The following RBFOX1 variants were observed in gnomAD, a reference collection of about 807,000 sequenced individuals.
The protein encoded by RBFOX1 is RNA binding protein fox-1 homolog 1.
RBFOX1 carries 8 observed loss-of-function variants against 57.7 expected under a neutral mutation model. The ratio of observed to expected loss-of-function variants is 0.14; its 90% CI spans 0.08 to 0.25. The LOEUF is 0.25. Ranked by LOEUF, RBFOX1 falls within the 10% of genes least tolerant of loss-of-function variation. The pLI, the probability that RBFOX1 is intolerant of heterozygous loss-of-function variation, is 1.00. For missense variants in RBFOX1, 611 were observed against 548.5 expected (o/e 1.11, Z -1.14); for synonymous variants, 326 against 222.4 (o/e 1.47, Z -4.15).
intron 1 of RBFOX1, among the ~76,000 whole-genome samples, chr16:5,458,932 C>T (rs1023300039): frequency 2.6e-5 from 4 of 152,204 alleles, no homozygotes; most frequent in East Asian, 1.9e-4. Context: ...AAGCCAAGAG[C>T]ACCTGGCTTC....
chr16:6,412,835 G>T (rs572989414), intron 2 of RBFOX1, among the ~76,000 whole-genome samples: 1 of 152,294 alleles, frequency 6.6e-6, no homozygotes, highest in East Asian at 1.9e-4. Flanking sequence ...CAGTCTTTCT[G>T]CTGTTCCAGA....
chr16:5,601,311 C>G (rs769187362), downstream of RBFOX1: 1 of 152,304 alleles, frequency 6.6e-6, no homozygotes, highest in South Asian at 2.1e-4. Context: ...CAGCTATTGT[C>G]AGGAGGCCAC....
intron 2 of RBFOX1, among the ~76,000 whole-genome samples, chr16:6,504,131 A>G (rs1464264638): frequency 6.6e-6 from 1 of 152,180 alleles, no homozygotes; most frequent in Non-Finnish European, 1.5e-5. Context: ...GTCAGTAGTC[A>G]TATACCTCTA....
At chr16:5,938,618 G>T (rs2059216436) in intron 4 of RBFOX1, among the ~76,000 whole-genome samples, 1 of 152,102 alleles carries the variant, frequency 6.6e-6, no homozygotes, top group South Asian at 2.1e-4. Context: ...ACTTGATTTG[G>T]CTAATAGGAT....
chr16:6,417,170 C>T (rs940900471), intron 2 of RBFOX1, among the ~76,000 whole-genome samples: 21 of 152,050 alleles, frequency 1.4e-4, no homozygotes, highest in African/African-American at 4.8e-4. Flanking sequence ...CGCCACCATG[C>T]CCAGTAAACT....
chr16:6,858,913 G>C (rs148467502), intron 3 of RBFOX1, among the ~76,000 whole-genome samples: 6 of 151,686 alleles, frequency 4.0e-5, no homozygotes, highest in Admixed American at 2.0e-4. Flanking sequence ...TGGTCAGTAA[G>C]TTCTGCATTT....
At chr16:5,592,866 C>T (rs1024858780) in intron 2 of RBFOX1, among the ~76,000 whole-genome samples, 7 of 152,120 alleles carry the variant, frequency 4.6e-5, no homozygotes, top group African/African-American at 7.2e-5. Flanking sequence ...CTTTAGGGTT[C>T]CGTGGGCCCT....
chr16:6,291,381 G>C (rs2077451134), intron 1 of RBFOX1, among the ~76,000 whole-genome samples: 1 of 152,150 alleles, frequency 6.6e-6, no homozygotes, highest in Admixed American at 6.5e-5. Context: ...TAGATGATAT[G>C]AGATGGTGGA....
chr16:6,651,086 G>C (rs763357505), intron 2 of RBFOX1, among the ~76,000 whole-genome samples: 1 of 152,158 alleles, frequency 6.6e-6, no homozygotes, highest in African/African-American at 2.4e-5. Flanking sequence ...ATGTTTAGTG[G>C]AGATGGAGTT....
At chr16:7,569,433 T>G (rs1175814306) in intron 5 of RBFOX1, among the ~76,000 whole-genome samples, 3 of 151,962 alleles carry the variant, frequency 2.0e-5, no homozygotes, top group Admixed American at 2.0e-4. Flanking sequence ...GTGGGTTGAG[T>G]TTTTCTCACG....
intron 4 of RBFOX1, among the ~76,000 whole-genome samples, chr16:7,468,937 T>C (rs555356675): frequency 1.2e-4 from 18 of 151,736 alleles, no homozygotes; most frequent in African/African-American, 4.1e-4. Flanking sequence ...CAAGGCTGAG[T>C]AATTTTTTTT....
chr16:5,692,604 T>G (rs4786755), intron 3 of RBFOX1, among the ~76,000 whole-genome samples: 34,928 of 152,054 alleles, frequency 0.23, 5,531 homozygotes, highest in East Asian at 0.82. Flanking sequence ...GAAGATTTGT[T>G]ATGCAGCAAT....
At chr16:6,044,825 G>C (rs1355247416) in intron 1 of RBFOX1, among the ~76,000 whole-genome samples, 1 of 152,202 alleles carries the variant, frequency 6.6e-6, no homozygotes, top group Non-Finnish European at 1.5e-5. Flanking sequence ...ATTGTCTGCA[G>C]AGCTAGGGCT....
At chr16:7,097,401 A>G (rs769458284) in intron 4 of RBFOX1, among the ~76,000 whole-genome samples, 9 of 152,136 alleles carry the variant, frequency 5.9e-5, no homozygotes, top group Non-Finnish European at 1.2e-4. Context: ...CCCAGTATCA[A>G]AGATCCCCAT....
At chr16:7,032,796 A>T (rs893179699) in intron 3 of RBFOX1, among the ~76,000 whole-genome samples, 3 of 152,096 alleles carry the variant, frequency 2.0e-5, no homozygotes, top group Non-Finnish European at 4.4e-5. Context: ...CCTTGGGTCT[A>T]CCTGAACTAA....
At chr16:5,414,342 C>T (rs927600465) in intron 1 of RBFOX1, among the ~76,000 whole-genome samples, 4 of 152,144 alleles carry the variant, frequency 2.6e-5, no homozygotes, top group Admixed American at 6.5e-5. Flanking sequence ...GTTCCACTTC[C>T]GTCCTCCGAC....
At position 5,999,886 on chromosome 16, in the gene RBFOX1, AAAAAAAAAAAAAAAAAAAAAAGAG is replaced by A. The variant is rs1230506001; in HGVS notation, c.351+132552_351+132575del. On this transcript the variant is annotated intron_variant, in intron 4 of 19. Transcript: ENST00000641259. ...CCACCTCAAAAAAAAAAAAAAAAAA[AAAAAAAAAAAAAAAAAAAAAAGAG>A]TGAAGAAGGGAAATCAGACAAGGAA... 1.6e-3 allele frequency among the ~76,000 whole-genome samples: 123 copies of A among 76,318 alleles called. 12 individuals are homozygous for A. Among genetic ancestry groups the A allele is most frequent in the African/African-American group, 5.0e-3 (114 of 22,752 alleles). 50.1% of individuals were successfully genotyped at this position (76,318 alleles called of 152,430 possible). A position where few individuals can be genotyped will look rare whatever the true frequency, so the allele number is the denominator to read the frequency against.
chr16:7,550,080 A>C (rs2085866539), intron 5 of RBFOX1, among the ~76,000 whole-genome samples: 1 of 151,726 alleles, frequency 6.6e-6, no homozygotes, highest in Non-Finnish European at 1.5e-5. Context: ...CAGGCACACA[A>C]CACCATGCCT....
chr16:6,505,582 T>C (rs923917538), intron 2 of RBFOX1, among the ~76,000 whole-genome samples: 4 of 152,198 alleles, frequency 2.6e-5, no homozygotes, highest in Non-Finnish European at 5.9e-5. Flanking sequence ...TCCTGGCTTA[T>C]GTTTGGGTAT....
Sources: gnomAD v4.1 joint callset for allele counts (sites outside exome capture counted in the v4.1 genomes callset) on GRCh38, gnomAD v4.1.1 for gene constraint, MANE v1.5 for transcripts, NCBI Gene and HGNC (gene_info 2026-07-23, HGNC 2026-07-21) for gene names.